Variants in CDK13 observed in about 807,000 individuals in gnomAD.
The protein encoded by CDK13 is cyclin dependent kinase 13, also known as cyclin-dependent kinase 13.
In CDK13, 40 loss-of-function variants were observed where a neutral mutation model predicts 137.6. The ratio of observed to expected loss-of-function variants is 0.29; its 90% confidence interval spans 0.23 to 0.38. The LOEUF (loss-of-function observed/expected upper bound fraction) is 0.38, where lower values mean the gene tolerates loss of function less well. Among genes scored for constraint, CDK13 ranks in the 10% least tolerant of loss-of-function variants. The probability of loss-of-function intolerance (pLI) is 1.00; values close to 1 mark genes in which losing one functional copy is unlikely to be tolerated. For synonymous variants in CDK13, 869 were observed against 760.1 expected (o/e 1.14, Z -2.36); for missense variants, 1,704 against 1,951.8 (o/e 0.87, Z 2.39).
At chr7:40,007,997 A>G (rs1784827507) in intron 5 of CDK13, among the ~76,000 whole-genome samples, 1 of 152,214 alleles carries the variant, frequency 6.6e-6, no homozygotes, top group South Asian at 2.1e-4. Context: ...AGACAATGAA[A>G]GATCGGCATA....
chr7:39,976,319 T>TCACACACACA (rs1320736487), intron 1 of CDK13, among the ~76,000 whole-genome samples: 8 of 54,286 alleles, frequency 1.5e-4, no homozygotes, highest in African/African-American at 3.2e-4. Context: ...TCTCTCTCTC[T>TCACACACACA]CTCTCACACA....
chr7:40,035,390 T>C (rs1584019655), intron 5 of CDK13, among the ~76,000 whole-genome samples: 1 of 151,678 alleles, frequency 6.6e-6, no homozygotes, highest in Admixed American at 6.6e-5. Flanking sequence ...CAGTAGGAGG[T>C]GAGTGGAAGG....
intron 1 of CDK13, chr7:39,984,039 T>G (rs938003764): frequency 1.3e-5 from 2 of 152,212 alleles, no homozygotes; most frequent in Non-Finnish European, 2.9e-5. Flanking sequence ...GAGTTTATCC[T>G]AAACCTAATC....
At chr7:39,957,513 G>A (rs1384745329) in intron 1 of CDK13, among the ~76,000 whole-genome samples, 1 of 152,116 alleles carries the variant, frequency 6.6e-6, no homozygotes, top group Non-Finnish European at 1.5e-5. Context: ...ACAGATGCGA[G>A]TTATATCTGT....
chr7:39,991,322 C>T (rs1335344023), intron 2 of CDK13, among the ~76,000 whole-genome samples: 1 of 152,164 alleles, frequency 6.6e-6, no homozygotes. Flanking sequence ...ACTTGTTACT[C>T]ACTGTAAATG....
Position 39,951,136 on chromosome 7 carries a change from A to G in CDK13, c.495A>G (p.Ala165=). The part of the protein sequence containing the change: ...QGLLLGGASA[A]TAATAAGGTG... ...TGCTGCTGGGGGGGGCCAGCGCGGC[A>G]ACGGCGGCGACGGCTGCCGGGGGAA... Residue 165 remains alanine, a synonymous_variant, in exon 1 of 14, where the codon GCA becomes GCG. Coordinates refer to ENST00000181839, the MANE Select transcript of CDK13 (RefSeq NM_003718.5). The G allele has an allele frequency of 8.0e-7, 1 of 1,242,960 alleles. No individual in the cohort carries two copies. Among genetic ancestry groups the G allele is most frequent in the East Asian group, 3.2e-5 (1 of 31,680 alleles). 77.0% of individuals were successfully genotyped at this position (1,242,960 alleles called of 1,614,324 possible).
At chr7:39,958,312 A>G (rs1037378423) in intron 1 of CDK13, among the ~76,000 whole-genome samples, 1 of 152,148 alleles carries the variant, frequency 6.6e-6, no homozygotes, top group African/African-American at 2.4e-5. Context: ...CTAACATTAA[A>G]TTATTTCACC....
rs769682623 is a variant in CDK13, at chr7:40,094,158, T to C, written c.3717T>C (p.Asp1239=). Residue 1239 remains aspartate, a synonymous_variant, in exon 14 of 14, where the codon GAT becomes GAC. Coordinates refer to ENST00000181839, the MANE Select transcript of CDK13 (RefSeq NM_003718.5). The part of the protein sequence containing the change: ...SGQDDLIQHQ[D]MRILELTPEP... ...AAGATGACCTCATCCAGCATCAAGA[T>C]ATGAGGATCTTGGAGCTAACGCCAG... The C allele has an allele frequency of 6.2e-7, 1 of 1,614,034 alleles. No homozygotes were observed. The highest frequency in any genetic ancestry group is 1.7e-5 in the Admixed American group (1 of 59,984).
At chr7:40,035,729 C>T (rs1280024512) in intron 5 of CDK13, among the ~76,000 whole-genome samples, 3 of 151,898 alleles carry the variant, frequency 2.0e-5, no homozygotes, top group African/African-American at 4.8e-5. Flanking sequence ...ATAAAGTGTA[C>T]AAGAAATGTA....
chr7:39,992,580 A>T (rs1253474949), intron 2 of CDK13, among the ~76,000 whole-genome samples: 1 of 151,832 alleles, frequency 6.6e-6, no homozygotes, highest in Non-Finnish European at 1.5e-5. Flanking sequence ...TCACAGTATC[A>T]TTGTGATAAC....
At chr7:40,060,201 T>C (rs1584052310) in intron 7 of CDK13, among the ~76,000 whole-genome samples, 1 of 152,194 alleles carries the variant, frequency 6.6e-6, no homozygotes, top group Admixed American at 6.5e-5. Flanking sequence ...TACTTATTCC[T>C]TTTTAGTCAC....
At chr7:39,996,983 A>AAAAAAAAAAAAAAAG (rs1562719391) in intron 2 of CDK13, among the ~76,000 whole-genome samples, 17 of 141,472 alleles carry the variant, frequency 1.2e-4, no homozygotes, top group African/African-American at 5.1e-4. Flanking sequence ...AAAAGAAAAA[A>AAAAAAAAAAAAAAAG]AAAAAGAAAA....
At chr7:40,054,084 C>T (rs1038099905) in intron 7 of CDK13, among the ~76,000 whole-genome samples, 5 of 152,144 alleles carry the variant, frequency 3.3e-5, no homozygotes, top group Non-Finnish European at 5.9e-5. Context: ...GTAGAGAACT[C>T]TAGGGGCCTC....
At chr7:39,989,784 CTT>C (rs1337667375) in intron 2 of CDK13, among the ~76,000 whole-genome samples, 15 of 138,864 alleles carry the variant, frequency 1.1e-4, no homozygotes, top group East Asian at 2.0e-4. Flanking sequence ...CTACTTTATC[CTT>C]TTTTTTTTTT....
intron 5 of CDK13, among the ~76,000 whole-genome samples, chr7:40,017,349 CTT>C (rs1241226020): frequency 6.6e-6 from 1 of 151,914 alleles, no homozygotes; most frequent in Non-Finnish European, 1.5e-5. Context: ...TGATACAATT[CTT>C]TTGTATATTA....
chr7:39,999,699 TTTTAAAAAGTGTTCC>T (rs1419654198), intron 4 of CDK13, among the ~76,000 whole-genome samples, 199 bp downstream of exon 4: 5 of 152,240 alleles, frequency 3.3e-5, no homozygotes, highest in Non-Finnish European at 7.3e-5. Flanking sequence ...TATGTGTATA[TTTTAAAAAGTGTTCC>T]TTTAGTATTT....
At chr7:40,068,145 G>T (rs1473334159) in intron 9 of CDK13, among the ~76,000 whole-genome samples, 1 of 151,750 alleles carries the variant, frequency 6.6e-6, no homozygotes, top group African/African-American at 2.4e-5. Context: ...TCTAAGGGAG[G>T]TACTAGCAAA....
At chr7:39,951,940 A>G in intron 1 of CDK13, 88 bp downstream of exon 1, 1 of 1,249,970 alleles carries the variant, frequency 8.0e-7, no homozygotes, top group Non-Finnish European at 1.0e-6. Flanking sequence ...GGTCCTCAGA[A>G]CGACTCAGGT....
At chr7:39,992,163 G>GGGGGGTGTGT (rs550297232) in intron 2 of CDK13, among the ~76,000 whole-genome samples, 7 of 146,310 alleles carry the variant, frequency 4.8e-5, no homozygotes, top group Admixed American at 2.0e-4. Flanking sequence ...AACTAATGAG[G>GGGGGGTGTGT]GTGTGTGTGT....
Sources: gnomAD v4.1 joint callset for allele counts (sites outside exome capture counted in the v4.1 genomes callset) on GRCh38, gnomAD v4.1.1 for gene constraint, MANE v1.5 for transcripts, NCBI Gene and HGNC (gene_info 2026-07-23, HGNC 2026-07-21) for gene names.